The following AOPEP variants were observed in gnomAD, a reference collection of about 807,000 sequenced individuals.
AOPEP encodes the protein aminopeptidase O (putative), also known as aminopeptidase O.
Under a neutral mutation model 98.1 loss-of-function variants are expected in AOPEP, and 77 were observed. That is an observed-to-expected ratio of 0.78 (90% CI 0.65 to 0.95). The LOEUF is 0.95. Among genes scored for constraint, AOPEP ranks in the 40% least tolerant of loss-of-function variants. The pLI is 0.00. For synonymous variants in AOPEP, 346 were observed against 365.3 expected, an observed-to-expected ratio of 0.95 and a Z score of 0.60; for missense variants, 1,024 against 1,024.7, an observed-to-expected ratio of 1.00 and a Z score of 0.01.
chr9:95,014,951 AT>A (rs1182588960), intron 13 of AOPEP, among the ~76,000 whole-genome samples: 1 of 152,248 alleles, frequency 6.6e-6, no homozygotes, highest in Non-Finnish European at 1.5e-5. Context: ...CCAAAGAGAC[AT>A]GAGAAATGTC....
intron 1 of AOPEP, among the ~76,000 whole-genome samples, chr9:94,757,499 A>T (rs1051676835): frequency 2.0e-5 from 3 of 152,222 alleles, no homozygotes; most frequent in Non-Finnish European, 2.9e-5. Context: ...GCTTGAGTGG[A>T]TAGGGCTCTA....
chr9:94,835,133 T>A (rs2041425183), intron 5 of AOPEP, among the ~76,000 whole-genome samples: 1 of 152,184 alleles, frequency 6.6e-6, no homozygotes. Flanking sequence ...GAAAGGACAG[T>A]CTTTTCGGGG....
At chr9:95,044,511 G>A (rs998914693) in intron 13 of AOPEP, among the ~76,000 whole-genome samples, 1 of 152,162 alleles carries the variant, frequency 6.6e-6, no homozygotes, top group Admixed American at 6.5e-5. Flanking sequence ...AACAGCCCAC[G>A]TGAAAATGAA....
chr9:95,086,376 C>A, intron 16 of AOPEP: 1 of 985,410 alleles, frequency 1.0e-6, no homozygotes, highest in Non-Finnish European at 1.2e-6. Flanking sequence ...TCTCCCACGG[C>A]GAGGTGAGCT....
Position 95,087,022 on chromosome 9 carries a change from C to T in AOPEP, c.*345C>T. 1 of 841,838 alleles carries T rather than the reference C, an allele frequency of 1.2e-6. No homozygotes were observed. The highest frequency in any genetic ancestry group is 5.4e-5 in the South Asian group (1 of 18,496). 52.1% of individuals were successfully genotyped at this position (841,838 alleles called of 1,614,324 possible). A position where few individuals can be genotyped will look rare whatever the true frequency, so the allele number is the denominator to read the frequency against. ...ACATTTTACATTGGTCTGCTCAGCA[C>T]ATGGCTGGATGCGGATATTTCTATA... On this transcript the variant is annotated 3_prime_UTR_variant, in exon 17 of 17. Coordinates refer to ENST00000375315, the MANE Select transcript of AOPEP (RefSeq NM_001193329.3).
chr9:94,862,168 T>C (rs2045101719), intron 5 of AOPEP, among the ~76,000 whole-genome samples: 2 of 152,178 alleles, frequency 1.3e-5, no homozygotes, highest in Admixed American at 1.3e-4. Context: ...CTCATCAGAG[T>C]ATGTGAGTGA....
chr9:94,957,263 A>G (rs751679730), intron 9 of AOPEP, among the ~76,000 whole-genome samples: 1 of 152,074 alleles, frequency 6.6e-6, no homozygotes, highest in African/African-American at 2.4e-5. Flanking sequence ...GCTGGAGTGC[A>G]GTGGTGCGAT....
intron 5 of AOPEP, among the ~76,000 whole-genome samples, chr9:94,870,986 T>C (rs2046283396): frequency 6.6e-6 from 1 of 152,194 alleles, no homozygotes; most frequent in African/African-American, 2.4e-5. Flanking sequence ...GTAGTGCACA[T>C]GTGGGCTGTT....
chr9:94,751,683 G>C (rs1428769050), intron 1 of AOPEP, among the ~76,000 whole-genome samples: 2 of 151,430 alleles, frequency 1.3e-5, no homozygotes, highest in African/African-American at 4.9e-5. Flanking sequence ...ATAATAAAAG[G>C]TAATCTATAG....
At chr9:95,106,103 C>T in the AOPEP span, among the ~76,000 whole-genome samples, 2 of 152,176 alleles carry the variant, frequency 1.3e-5, no homozygotes, top group African/African-American at 2.4e-5. Context: ...ATGAGTGTTC[C>T]GGTTCCCACG....
chr9:94,820,810 C>A (rs565947691), intron 5 of AOPEP, among the ~76,000 whole-genome samples: 1 of 152,256 alleles, frequency 6.6e-6, no homozygotes, highest in East Asian at 1.9e-4. Flanking sequence ...GCGTAGCTCA[C>A]TGATATTTAG....
intron 5 of AOPEP, among the ~76,000 whole-genome samples, chr9:94,822,143 G>T (rs958907654): frequency 1.3e-5 from 2 of 152,204 alleles, no homozygotes; most frequent in African/African-American, 4.8e-5. Context: ...CATCATAGAA[G>T]GGCTGAGAGG....
intron 3 of AOPEP, among the ~76,000 whole-genome samples, chr9:94,777,079 A>G (rs549323188): frequency 1.3e-4 from 20 of 152,242 alleles, no homozygotes; most frequent in African/African-American, 4.6e-4. Context: ...CTGAAGTATA[A>G]CATTCTTGAA....
rs139105197 is a variant in AOPEP at position 95,044,338 on chromosome 9, CAAG to C, written c.2116-16352_2116-16350del. Among the ~76,000 whole-genome samples the C allele has an allele frequency of 6.1e-3, 894 of 147,298 alleles. 5 individuals carry two copies. The highest frequency in any genetic ancestry group is 0.02 in the African/African-American group (778 of 39,616). ...ACAAATGGAAACTTAGATCCTGCTACAAGAAGGTTACATTAATTCAAAACTGGC... is the reference window on the plus strand; with the variant it reads ...ACAAATGGAAACTTAGATCCTGCTACAAGGTTACATTAATTCAAAACTGGC... On this transcript the variant is annotated intron_variant, in intron 13 of 16. Coordinates refer to ENST00000375315, the MANE Select transcript of AOPEP (RefSeq NM_001193329.3).
At chr9:94,947,256 C>T (rs1477606263) in intron 7 of AOPEP, among the ~76,000 whole-genome samples, 1 of 151,886 alleles carries the variant, frequency 6.6e-6, no homozygotes, top group Non-Finnish European at 1.5e-5. Flanking sequence ...GCTGGGATTA[C>T]AGGCGTGATC....
intron 5 of AOPEP, among the ~76,000 whole-genome samples, chr9:94,867,537 G>C (rs777093801): frequency 2.2e-4 from 33 of 152,160 alleles, no homozygotes; most frequent in Admixed American, 1.7e-3. Context: ...CATATTATTT[G>C]AATGTACATT....
At chr9:94,969,985 T>C (rs73657018) in intron 10 of AOPEP, among the ~76,000 whole-genome samples, 465 of 152,292 alleles carry the variant, frequency 3.1e-3, no homozygotes, top group African/African-American at 0.011. Context: ...TCAGGGCTTA[T>C]GCTACCAGAC....
intron 13 of AOPEP, among the ~76,000 whole-genome samples, chr9:95,045,290 A>G (rs540662158): frequency 1.4e-4 from 22 of 152,356 alleles, no homozygotes; most frequent in Non-Finnish European, 2.9e-4. Flanking sequence ...CCGCAGGCGC[A>G]GGAGGGATGC....
At chr9:94,884,902 G>T (rs953363685) in intron 5 of AOPEP, among the ~76,000 whole-genome samples, 2 of 150,230 alleles carry the variant, frequency 1.3e-5, no homozygotes, top group East Asian at 4.0e-4. Flanking sequence ...CCAGCTACTC[G>T]GGAGGCTGAG....
Sources: allele counts gnomAD v4.1 joint callset (sites outside exome capture counted in the v4.1 genomes callset), GRCh38; gene constraint gnomAD v4.1.1; transcripts MANE v1.5; gene names NCBI Gene and HGNC (gene_info 2026-07-23, HGNC 2026-07-21).